The following TFE3 variants were observed in gnomAD, a reference collection of about 807,000 sequenced individuals.
TFE3 encodes the protein transcription factor binding to IGHM enhancer 3.
A neutral mutation model predicts 35.0 loss-of-function variants in TFE3; 5 were observed. That is an observed-to-expected ratio of 0.14 (90% CI 0.07 to 0.30). The LOEUF is 0.30. Ranked by LOEUF, TFE3 falls within the 10% of genes least tolerant of loss-of-function variation. TFE3 has a pLI of 1.00. For synonymous variants in TFE3, 211 were observed against 215.6 expected, an observed-to-expected ratio of 0.98 and a Z score of 0.18; for missense variants, 374 against 496.6, an observed-to-expected ratio of 0.75 and a Z score of 2.35.
At chrX:49,041,121 C>T (rs1375670027) in intron 1 of TFE3, among the ~76,000 whole-genome samples, 1 of 109,840 alleles carries the variant, frequency 9.1e-6, no homozygotes, top group Non-Finnish European at 1.9e-5. Context: ...TTAGTAGAGA[C>T]GGGGTTTCAC....
rs1298940995 is a variant in TFE3 at position 49,036,499 on chromosome X, TA to T, written c.885+1510del. The stretch of plus-strand genomic sequence containing the variant: ...AAAAAAAAATTCAATAAAAAATAAA[TA>T]AATAAATAAATAAAGCAAGTTAGGC... On this transcript the variant is annotated intron_variant, in intron 5 of 9. Transcript: ENST00000315869. Among the ~76,000 whole-genome samples, 14 of 86,305 alleles carry T rather than the reference TA, an allele frequency of 1.6e-4. No individual in the cohort carries two copies. The South Asian group carries it at 6.0e-3, about 37-fold the overall frequency. 74.9% of individuals were successfully genotyped at this position (86,305 alleles called of 115,157 possible).
chrX:49,040,064 G>GAGGGTGGGTGAGTTGGT (rs1557075457), intron 2 of TFE3, among the ~76,000 whole-genome samples: 2 of 110,771 alleles, frequency 1.8e-5, no homozygotes, highest in Non-Finnish European at 3.8e-5. Flanking sequence ...CTCAAGGGCT[G>GAGGGTGGGTGAGTTGGT]AGGGTGGGTG....
intron 5 of TFE3, among the ~76,000 whole-genome samples, 192 bp from the exon 6 acceptor site, chrX:49,034,443 A>G (rs1387719216): frequency 8.9e-6 from 1 of 111,849 alleles, no homozygotes; most frequent in African/African-American, 3.2e-5. Flanking sequence ...AACAGGGAGG[A>G]CAGAGCAAAC....
At position 49,033,558 on chromosome X, in the gene TFE3, G is replaced by GAGGAAGAA. The variant is rs1310734378; in HGVS notation, c.1061-26_1061-19dup. The GAGGAAGAA allele has an allele frequency of 8.3e-7, 1 of 1,205,577 alleles. No individual in the cohort carries two copies. The highest frequency in any genetic ancestry group is 3.0e-5 in the East Asian group (1 of 33,756). On this transcript the variant is annotated intron_variant, in intron 7 of 9. Transcript: ENST00000315869. The stretch of plus-strand genomic sequence containing the variant: ...ACGCTCAACTTTGGAGAGGGGAGGA[G>GAGGAAGAA]AGGAAGAAAGAGTGGGAGAAAGAGT...
chrX:49,040,651 GA>G lies in TFE3; in HGVS notation c.117-84del, dbSNP rs1216300144. 1.2e-3 allele frequency: 751 copies of G among 642,390 alleles called. 7 individuals are homozygous for G. The African/African-American group carries it at 0.016, about 13-fold the overall frequency. 52.9% of individuals were successfully genotyped at this position (642,390 alleles called of 1,213,427 possible). ...CTCCCCTGAGACAGAGAAAGAGAGA[GA>G]GAGGGGGGGAGAACGAAGAGGAGGG... is the stretch of plus-strand genomic sequence containing the variant. On this transcript the variant is annotated intron_variant, in intron 1 of 9. Coordinates refer to ENST00000315869, the MANE Select transcript of TFE3 (RefSeq NM_006521.6).
intron 8 of TFE3, among the ~76,000 whole-genome samples, chrX:49,032,560 A>T (rs1169134082): frequency 1.8e-5 from 2 of 111,052 alleles, no homozygotes; most frequent in African/African-American, 3.3e-5. Context: ...TTTAATAGAA[A>T]TGGGGTTTCA....
rs1557073501 is a variant in TFE3 at position 49,030,404 on chromosome X, T to C, written c.1482A>G (p.Ala494=). The change falls in exon 10 of 10, where the codon GCA becomes GCG. Residue 494 remains alanine (A), a synonymous_variant. Transcript: ENST00000315869. ...AQNAPHQQPP[A]PPSDALLDLH... The stretch of plus-strand genomic sequence containing the variant: ...GGTCCAGAAGGGCATCTGAGGGCGG[T>C]GCAGGGGGCTGCTGATGGGGAGCAT... 1.7e-6 allele frequency: 2 copies of C among 1,210,366 alleles called. No homozygotes were observed. The highest frequency in any genetic ancestry group is 5.9e-5 in the East Asian group (2 of 33,747).
At chrX:49,032,278 AG>A (rs1256532641) in intron 8 of TFE3, among the ~76,000 whole-genome samples, 7 of 111,078 alleles carry the variant, frequency 6.3e-5, no homozygotes, top group Non-Finnish European at 1.3e-4. Flanking sequence ...TCTGTCACCC[AG>A]GCTGGAGAGC....
intron 7 of TFE3, 49 bp from the exon 8 acceptor site, chrX:49,033,589 A>G (rs2064711618): frequency 8.4e-7 from 1 of 1,191,721 alleles, no homozygotes. Context: ...AGAGTTGTCA[A>G]TTAGCCAAAA....
In TFE3 at chrX:49,043,231, C is replaced by T. The variant is rs1557076039; in HGVS notation, c.-5G>A. On this transcript the variant is annotated 5_prime_UTR_variant, in exon 1 of 10. Coordinates refer to ENST00000315869, the MANE Select transcript of TFE3 (RefSeq NM_006521.6). ...TGGTTCGGCCGCATGAGACATGACG[C>T]CCGGCCCCGGGCGAGCCCTGCCAGG... 2 of 1,150,043 alleles carry T rather than the reference C, an allele frequency of 1.7e-6. No homozygotes were observed. Among genetic ancestry groups the T allele is most frequent in the East Asian group, 3.2e-5 (1 of 30,814 alleles). The allele number at this position is 1,150,043 out of a possible 1,213,427, so 94.8% of individuals were successfully genotyped here.
At position 49,041,748 on chromosome X, in the gene TFE3, T is replaced by C. The variant is rs782371710; in HGVS notation, c.117-1180A>G. Among the ~76,000 whole-genome samples, 5 of 112,053 alleles carry C rather than the reference T, an allele frequency of 4.5e-5. No individual in the cohort carries two copies. The East Asian group carries it at 1.4e-3, about 31-fold the overall frequency. ...GGAATTAGAAGATGGTGAATCGATATACAGAAAGGCTCTGCTCAGCCCCAG... is the reference window on the plus strand; with the variant it reads ...GGAATTAGAAGATGGTGAATCGATACACAGAAAGGCTCTGCTCAGCCCCAG... On this transcript the variant is annotated intron_variant, in intron 1 of 9. Coordinates refer to ENST00000315869, the MANE Select transcript of TFE3 (RefSeq NM_006521.6).
intron 9 of TFE3, 31 bp from the exon 10 acceptor site, chrX:49,030,632 A>C (rs782182621): frequency 8.8e-7 from 1 of 1,141,958 alleles, no homozygotes; most frequent in Non-Finnish European, 1.2e-6. Flanking sequence ...GTGCAGGATA[A>C]GTAGGGTTCA....
rs1355944401 is a variant in TFE3, at chrX:49,033,671, C to T, written c.1060+55G>A. 6 of 1,194,379 alleles carry T rather than the reference C, an allele frequency of 5.0e-6. No individual in the cohort carries two copies. The Admixed American group carries it at 6.6e-5, about 13-fold the overall frequency. ...GAGTTCCCCATGGGGGGCCAGGACT[C>T]GGGGTGAGGCAGGCCTGCACAGCAC... On this transcript the variant is annotated intron_variant, in intron 7 of 9. Transcript: ENST00000315869.
intron 4 of TFE3, 33 bp downstream of exon 4, chrX:49,038,164 A>G (rs2064740634): frequency 8.3e-7 from 1 of 1,210,198 alleles, no homozygotes; most frequent in African/African-American, 1.7e-5. Context: ...TTGGGAGGGG[A>G]ATGTGGGAGG....
rs782109836 is a variant in TFE3, at chrX:49,043,201, C to G, written c.26G>C (p.Arg9Pro). MSHAAEPA[R>P]DGVEASAEGP... Reference sequence around the variant, plus strand: ...CTCCGCGCTGGCCTCTACGCCATCCCGAGCTGGTTCGGCCGCATGAGACAT... The same window carrying G: ...CTCCGCGCTGGCCTCTACGCCATCCGGAGCTGGTTCGGCCGCATGAGACAT... The change falls in exon 1 of 10, where the codon CGG becomes CCG. Residue 9 changes from arginine to proline, a missense_variant. This residue lies in a region of TFE3 where 90 missense variants were observed against 87.5 expected (regional missense o/e 1.03). Transcript: ENST00000315869. 3.8e-4 allele frequency: 444 copies of G among 1,173,835 alleles called. 3 individuals carry two copies. In the East Asian group the frequency reaches 0.012, roughly 30 times the overall value.
At chrX:49,042,017 A>ACC (rs57761854) in intron 1 of TFE3, among the ~76,000 whole-genome samples, 6 of 105,413 alleles carry the variant, frequency 5.7e-5, no homozygotes, top group African/African-American at 2.1e-4. Flanking sequence ...GGAGGCAAAG[A>ACC]CCCCCCCCCA....
In TFE3 at chrX:49,043,119, C is replaced by A; in HGVS notation, c.108G>T (p.Gln36His). Residue 36 changes from glutamine to histidine, a missense_variant, in exon 1 of 10, where the codon CAG becomes CAT. By Grantham distance (24) the Gln-to-His change is conservative (BLOSUM62 0). This residue lies in a region of TFE3 where 90 missense variants were observed against 87.5 expected (regional missense o/e 1.03). Coordinates refer to ENST00000315869, the MANE Select transcript of TFE3 (RefSeq NM_006521.6). ...CCCAGGCGGCCCCGCACCTGAGCAGCTGAGCCGAGTCGGCCGGCCTGCGCT... is the reference window on the plus strand; with the variant it reads ...CCCAGGCGGCCCCGCACCTGAGCAGATGAGCCGAGTCGGCCGGCCTGCGCT... ...LEERRPADSAQLLSLNSLLPE... is the reference protein window; with the variant it reads ...LEERRPADSAHLLSLNSLLPE... 1 of 1,184,215 alleles carries A rather than the reference C, an allele frequency of 8.4e-7. No individual in the cohort carries two copies. The highest frequency in any genetic ancestry group is 1.1e-6 in the Non-Finnish European group (1 of 884,495).
At chrX:49,039,068 C>G (rs2064746025) in intron 3 of TFE3, 39 bp downstream of exon 3, 30 of 1,116,383 alleles carry the variant, frequency 2.7e-5, no homozygotes, top group Non-Finnish European at 3.5e-5. Context: ...TCCTCAGTCA[C>G]CAGGAGCCCC....
Position 49,029,593 on chromosome X carries a change from C to A in TFE3, c.*565G>T. ...CCAGGAGAGTTCCCAGGGGAAGGGG[C>A]TGGGTCTCATCCTCACTTCTGTTCC... On this transcript the variant is annotated 3_prime_UTR_variant, in exon 10 of 10. Transcript: ENST00000315869. 2.8e-6 allele frequency: 1 copy of A among 355,763 alleles called. No homozygotes were observed. Among genetic ancestry groups the A allele is most frequent in the South Asian group, 3.2e-5 (1 of 30,811 alleles). 29.3% of individuals were successfully genotyped at this position (355,763 alleles called of 1,213,427 possible).
Sources: gnomAD v4.1 joint callset for allele counts (sites outside exome capture counted in the v4.1 genomes callset) on GRCh38, gnomAD v4.1.1 for gene constraint, gnomAD v4.1.1 regional missense constraint, MANE v1.5 for transcripts, NCBI Gene and HGNC (gene_info 2026-07-23, HGNC 2026-07-21) for gene names.